The following SCN4B variants were observed in gnomAD, a reference collection of about 807,000 sequenced individuals.
SCN4B encodes the protein sodium voltage-gated channel beta subunit 4.
In SCN4B, 20 loss-of-function variants were observed where a neutral mutation model predicts 19.6. The ratio of observed to expected loss-of-function variants is 1.02; its 90% CI spans 0.72 to 1.48. SCN4B has a LOEUF of 1.48. Ranked by LOEUF, SCN4B falls within the 40% of genes most tolerant of loss-of-function variation. The probability of loss-of-function intolerance (pLI) is 0.00; values close to 1 mark genes in which losing one functional copy is unlikely to be tolerated. For missense variants in SCN4B, 271 were observed against 287.5 expected (o/e 0.94, Z 0.42); for synonymous variants, 127 against 122.8 (o/e 1.03, Z -0.22).
intron 1 of SCN4B, among the ~76,000 whole-genome samples, chr11:118,147,470 A>T (rs1399713869): frequency 6.6e-6 from 1 of 152,210 alleles, no homozygotes; most frequent in African/African-American, 2.4e-5. Flanking sequence ...GCGTTCAGAT[A>T]TTAGCCCCTT....
At chr11:118,151,122 GCACACACACACA>G (rs3837425) in intron 1 of SCN4B, among the ~76,000 whole-genome samples, 42 of 149,132 alleles carry the variant, frequency 2.8e-4, no homozygotes, top group Non-Finnish European at 5.1e-4. Flanking sequence ...TTACACACGT[GCACACACACACA>G]CACACACACA....
intron 2 of SCN4B, among the ~76,000 whole-genome samples, chr11:118,144,453 A>G (rs1328447493): frequency 6.6e-6 from 1 of 152,056 alleles, no homozygotes; most frequent in Non-Finnish European, 1.5e-5. Context: ...CCCCCTGTCA[A>G]GACCTGGATC....
chr11:118,135,248 T>C lies in SCN4B; in HGVS notation c.*1779A>G. The C allele has an allele frequency of 2.2e-6, 1 of 453,706 alleles. No individual in the cohort carries two copies. The highest frequency in any genetic ancestry group is 1.6e-5 in the South Asian group (1 of 64,466). The allele number at this position is 453,706 out of a possible 1,614,324, so 28.1% of individuals were successfully genotyped here. A position where few individuals can be genotyped will look rare whatever the true frequency, so the allele number is the denominator to read the frequency against. On this transcript the variant is annotated 3_prime_UTR_variant, in exon 5 of 5. Transcript: ENST00000324727. ...ACGGGGAACTGGTGAGCCCAGCAGG[T>C]TGGCTAAGGGACACTGGCCACAGCC...
intron 4 of SCN4B, among the ~76,000 whole-genome samples, chr11:118,137,601 G>A (rs1432874419): frequency 6.6e-6 from 1 of 152,244 alleles, no homozygotes; most frequent in East Asian, 1.9e-4. Flanking sequence ...AACCTGGGAG[G>A]CGGAGGTTGC....
chr11:118,142,653 T>C (rs1330271768), intron 3 of SCN4B: 4 of 152,176 alleles, frequency 2.6e-5, no homozygotes, highest in Non-Finnish European at 5.9e-5. Flanking sequence ...GTCTGCCCCA[T>C]ACAAGGTGCT....
At position 118,148,004 on chromosome 11, in the gene SCN4B, G is replaced by C. The variant is rs1269937035; in HGVS notation, c.62-2775C>G. Among the ~76,000 whole-genome samples, 2 of 152,216 alleles carry C rather than the reference G, an allele frequency of 1.3e-5. No homozygotes were observed. The highest frequency in any genetic ancestry group is 4.8e-5 in the African/African-American group (2 of 41,454). On this transcript the variant is annotated intron_variant, in intron 1 of 4. Transcript: ENST00000324727. This position sits in a 1 kb window ranked among gnomAD's most constrained non-coding sequence, Gnocchi z 4.0. ...AAACGAGCAAAAGATGGGTCCAGAAGAGAGGGGAACACTGTATCTTTAAGG... is the reference window on the plus strand; with the variant it reads ...AAACGAGCAAAAGATGGGTCCAGAACAGAGGGGAACACTGTATCTTTAAGG...
intron 1 of SCN4B, among the ~76,000 whole-genome samples, chr11:118,146,390 G>C (rs1049389323): frequency 6.6e-6 from 1 of 152,194 alleles, no homozygotes; most frequent in Non-Finnish European, 1.5e-5. Flanking sequence ...CGGGGGCGGG[G>C]AGGGTGTCTG....
At position 118,152,813 on chromosome 11, in the gene SCN4B, G is replaced by T. The variant is rs1191844790; in HGVS notation, c.-140C>A. On this transcript the variant is annotated 5_prime_UTR_variant, in exon 1 of 5. Transcript: ENST00000324727. ...CCGGTCGGGGCTCGGGAAAGTTAGC[G>T]GGCAGAGAGCGAGAGGAGGGGGAGG... 5 of 588,150 alleles carry T rather than the reference G, an allele frequency of 8.5e-6. No individual in the cohort carries two copies. Among genetic ancestry groups the T allele is most frequent in the African/African-American group, 7.6e-5 (4 of 52,618 alleles). 36.4% of individuals were successfully genotyped at this position (588,150 alleles called of 1,614,324 possible). A position where few individuals can be genotyped will look rare whatever the true frequency, so the allele number is the denominator to read the frequency against.
Position 118,136,038 on chromosome 11 carries a change from G to T in SCN4B, c.*989C>A, listed in dbSNP as rs576946955. 535 of 59,176 alleles carry T rather than the reference G, an allele frequency of 9.0e-3. 8 individuals carry two copies. The highest frequency in any genetic ancestry group is 0.025 in the South Asian group (411 of 16,622). 3.7% of individuals were successfully genotyped at this position (59,176 alleles called of 1,614,324 possible). On this transcript the variant is annotated 3_prime_UTR_variant, in exon 5 of 5. Coordinates refer to ENST00000324727, the MANE Select transcript of SCN4B (RefSeq NM_174934.4). ...GGCAGGGCGTGATGGAGGGCACGGT[G>T]GGGGGGGGGGAGCGAGCCAATGGGA... is the stretch of plus-strand genomic sequence containing the variant.
chr11:118,135,955 G>A lies in SCN4B; in HGVS notation c.*1072C>T, dbSNP rs1947989998. The A allele has an allele frequency of 4.4e-6, 2 of 454,022 alleles. No homozygotes were observed. The highest frequency in any genetic ancestry group is 3.1e-5 in the South Asian group (2 of 64,460). 28.1% of individuals were successfully genotyped at this position (454,022 alleles called of 1,614,324 possible). ...AAGGACCCCCTCATCCAAAGGAAGAGAGTCCCTGAGGCGAAGGCAGGCCCT... is the reference window on the plus strand; with the variant it reads ...AAGGACCCCCTCATCCAAAGGAAGAAAGTCCCTGAGGCGAAGGCAGGCCCT... On this transcript the variant is annotated 3_prime_UTR_variant, in exon 5 of 5. Transcript: ENST00000324727.
chr11:118,141,160 G>A, intron 4 of SCN4B, 47 bp downstream of exon 4: 1 of 1,611,082 alleles, frequency 6.2e-7, no homozygotes, highest in Non-Finnish European at 8.5e-7. Flanking sequence ...TAGATGAGAG[G>A]GTGGTGGGCT....
At chr11:118,149,236 T>C (rs1197992760) in intron 1 of SCN4B, among the ~76,000 whole-genome samples, 1 of 152,186 alleles carries the variant, frequency 6.6e-6, no homozygotes, top group African/African-American at 2.4e-5. Flanking sequence ...CCACCACCTT[T>C]TCCCACATCC....
At chr11:118,147,016 C>T (rs1948185656) in intron 1 of SCN4B, among the ~76,000 whole-genome samples, 1 of 152,220 alleles carries the variant, frequency 6.6e-6, no homozygotes, top group Admixed American at 6.5e-5. Flanking sequence ...ATCAGAATCC[C>T]CTGGAGAACA....
At position 118,148,445 on chromosome 11, in the gene SCN4B, G is replaced by C. The variant is rs910401989; in HGVS notation, c.62-3216C>G. ...GCTTCAGGATGACCAAGTCCAGAGA[G>C]GACTGGTGAGCATGCGCAAGGCAGG... is the stretch of plus-strand genomic sequence containing the variant. On this transcript the variant is annotated intron_variant, in intron 1 of 4. Coordinates refer to ENST00000324727, the MANE Select transcript of SCN4B (RefSeq NM_174934.4). The surrounding 1 kb of genome is among the most constrained non-coding windows in gnomAD (Gnocchi z 4.0). Among the ~76,000 whole-genome samples, 2 of 152,236 alleles carry C rather than the reference G, an allele frequency of 1.3e-5. No individual in the cohort carries two copies. The highest frequency in any genetic ancestry group is 4.8e-5 in the African/African-American group (2 of 41,468).
chr11:118,135,929 C>T lies in SCN4B; in HGVS notation c.*1098G>A, dbSNP rs1947989488. The T allele has an allele frequency of 4.4e-6, 2 of 454,178 alleles. No homozygotes were observed. The highest frequency in any genetic ancestry group is 4.0e-5 in the African/African-American group (2 of 49,938). The allele number at this position is 454,178 out of a possible 1,614,324, so 28.1% of individuals were successfully genotyped here. A position where few individuals can be genotyped will look rare whatever the true frequency, so the allele number is the denominator to read the frequency against. ...CTGAGCAGGAAGCAGCTGGGAAACC[C>T]AAGGACCCCCTCATCCAAAGGAAGA... On this transcript the variant is annotated 3_prime_UTR_variant, in exon 5 of 5. Transcript: ENST00000324727.
chr11:118,141,344 G>A lies in SCN4B; in HGVS notation c.464-8C>T. On this transcript the variant is annotated splice_region_variant and splice_polypyrimidine_tract_variant and intron_variant, in intron 3 of 4. Transcript: ENST00000324727. ...TGTTGTCCACTTCTTCCACTGTGTGGCCCGAGTAGGGAGGAAAGGGAAGGC... is the reference window on the plus strand; with the variant it reads ...TGTTGTCCACTTCTTCCACTGTGTGACCCGAGTAGGGAGGAAAGGGAAGGC... The A allele has an allele frequency of 6.2e-7, 1 of 1,612,262 alleles. No individual in the cohort carries two copies.
chr11:118,141,601 T>C, intron 3 of SCN4B: 1 of 545,844 alleles, frequency 1.8e-6, no homozygotes, highest in East Asian at 3.2e-5. Flanking sequence ...ACACGAGTTC[T>C]GGAATAAATC....
Position 118,139,905 on chromosome 11 carries a change from T to TC in SCN4B, c.593+1301_593+1302insG, listed in dbSNP as rs1454628477. Among the ~76,000 whole-genome samples, 18 of 117,508 alleles carry TC rather than the reference T, an allele frequency of 1.5e-4. No individual in the cohort carries two copies. The South Asian group carries it at 1.9e-3, about 12-fold the overall frequency. 77.1% of individuals were successfully genotyped at this position (117,508 alleles called of 152,430 possible). Reference sequence around the variant, plus strand: ...TAGCATTCCTTTTTTTTTTTTCTTTTTTCTTTTTTTTTTTAAGAGACGAGC... The same window carrying TC: ...TAGCATTCCTTTTTTTTTTTTCTTTTCTTCTTTTTTTTTTTAAGAGACGAGC... On this transcript the variant is annotated intron_variant, in intron 4 of 4. Coordinates refer to ENST00000324727, the MANE Select transcript of SCN4B (RefSeq NM_174934.4).
chr11:118,145,279 T>C, intron 1 of SCN4B, 50 bp from the exon 2 acceptor site: 1 of 1,612,018 alleles, frequency 6.2e-7, no homozygotes, highest in Non-Finnish European at 8.5e-7. Context: ...AGCCTGGAGC[T>C]CTGGAAGGGG....
Sources: allele counts gnomAD v4.1 joint callset (sites outside exome capture counted in the v4.1 genomes callset), GRCh38; gene constraint gnomAD v4.1.1; non-coding constraint Gnocchi (gnomAD v3.1); transcripts MANE v1.5; gene names NCBI Gene and HGNC (gene_info 2026-07-23, HGNC 2026-07-21).